Variants in CDH12 observed in about 807,000 individuals in gnomAD.
CDH12 encodes cadherin-12.
In CDH12, 41 loss-of-function variants were observed where a neutral mutation model predicts 74.1. The observed-to-expected ratio is 0.55, with a 90% CI of 0.43 to 0.72. The LOEUF (loss-of-function observed/expected upper bound fraction) is 0.72, where lower values mean the gene tolerates loss of function less well. Ranked by LOEUF, CDH12 falls within the 30% of genes least tolerant of loss-of-function variation. The pLI is 0.00. For synonymous variants in CDH12, 399 were observed against 355.0 expected, an observed-to-expected ratio of 1.12 and a Z score of -1.39; for missense variants, 945 against 977.2, an observed-to-expected ratio of 0.97 and a Z score of 0.44.
chr5:22,567,842 G>A (rs1441959518), intron 1 of CDH12, among the ~76,000 whole-genome samples: 1 of 152,092 alleles, frequency 6.6e-6, no homozygotes. Flanking sequence ...GCACACTGAC[G>A]TACAGATAAA....
intron 1 of CDH12, among the ~76,000 whole-genome samples, chr5:22,638,009 G>A (rs528928915): frequency 6.6e-6 from 1 of 152,212 alleles, no homozygotes; most frequent in South Asian, 2.1e-4. Flanking sequence ...ACTCATACAA[G>A]CACACACACA....
At chr5:21,892,322 G>A (rs1752935120) in intron 6 of CDH12, among the ~76,000 whole-genome samples, 1 of 152,096 alleles carries the variant, frequency 6.6e-6, no homozygotes. Flanking sequence ...ATGGTGATGA[G>A]CTGTCTTGTT....
At chr5:22,372,972 C>T (rs1741362286) in intron 3 of CDH12, among the ~76,000 whole-genome samples, 1 of 152,168 alleles carries the variant, frequency 6.6e-6, no homozygotes, top group South Asian at 2.1e-4. Flanking sequence ...CTACTGCAAG[C>T]AGCCCTGCCA....
At chr5:22,791,854 C>T (rs1441152010) in intron 1 of CDH12, among the ~76,000 whole-genome samples, 1 of 152,084 alleles carries the variant, frequency 6.6e-6, no homozygotes, top group East Asian at 1.9e-4. Flanking sequence ...CTCTGTGATC[C>T]AATCACCTCC....
At chr5:22,406,743 C>A (rs191739929) in intron 2 of CDH12, among the ~76,000 whole-genome samples, 4 of 152,084 alleles carry the variant, frequency 2.6e-5, no homozygotes, top group African/African-American at 9.6e-5. Flanking sequence ...ATTTCATTAT[C>A]TGTTTATTGA....
intron 2 of CDH12, among the ~76,000 whole-genome samples, chr5:22,471,836 A>G (rs1263710325): frequency 6.6e-6 from 1 of 151,966 alleles, no homozygotes; most frequent in African/African-American, 2.4e-5. Context: ...AGATTATTTT[A>G]CTCCAGATTG....
intron 5 of CDH12, among the ~76,000 whole-genome samples, chr5:22,033,106 C>A (rs1206644248): frequency 6.7e-6 from 1 of 149,898 alleles, no homozygotes; most frequent in African/African-American, 2.4e-5. Flanking sequence ...GACAAAAGAG[C>A]TATAATTTTA....
At chr5:22,641,032 G>A (rs979017203) in intron 1 of CDH12, among the ~76,000 whole-genome samples, 1 of 152,078 alleles carries the variant, frequency 6.6e-6, no homozygotes, top group African/African-American at 2.4e-5. Context: ...ATTAGTTAGG[G>A]TTCTCTAGAG....
intron 9 of CDH12, among the ~76,000 whole-genome samples, chr5:21,810,113 C>G (rs4481317): frequency 0.97 from 147,444 of 152,208 alleles, 71,427 homozygotes; most frequent in East Asian, 1. Context: ...ATGAACATGC[C>G]TGTAAATGTG....
chr5:22,499,437 C>A (rs1373162350), intron 2 of CDH12, among the ~76,000 whole-genome samples: 1 of 152,092 alleles, frequency 6.6e-6, no homozygotes, highest in Non-Finnish European at 1.5e-5. Context: ...TCTGTATCTA[C>A]CTTCTCTAGA....
intron 3 of CDH12, among the ~76,000 whole-genome samples, chr5:22,341,083 T>A (rs868692272): frequency 2.0e-5 from 3 of 152,222 alleles, no homozygotes; most frequent in African/African-American, 7.2e-5. Context: ...GTCTATATAC[T>A]TTTTAGAGAC....
rs187816030 is a variant in CDH12 at position 22,524,520 on chromosome 5, T to C, written c.-522-19156A>G. On this transcript the variant is annotated intron_variant, in intron 1 of 14. Coordinates refer to ENST00000382254, the MANE Select transcript of CDH12 (RefSeq NM_004061.5). ...CTGTACACTATACTACTTGTAAACGTGTGACATGCATATATTATATAAAAC... is the reference window on the plus strand; with the variant it reads ...CTGTACACTATACTACTTGTAAACGCGTGACATGCATATATTATATAAAAC... Among the ~76,000 whole-genome samples, 8 of 152,322 alleles carry C rather than the reference T, an allele frequency of 5.3e-5. No homozygotes were observed. In the East Asian group the frequency reaches 1.5e-3, roughly 29 times the overall value.
At chr5:22,432,669 T>C (rs541253083) in intron 2 of CDH12, among the ~76,000 whole-genome samples, 3 of 152,250 alleles carry the variant, frequency 2.0e-5, no homozygotes, top group African/African-American at 7.2e-5. Context: ...TAGAAGACTC[T>C]TCTGAAGTTT....
chr5:22,396,869 C>T (rs989450907), intron 3 of CDH12, among the ~76,000 whole-genome samples: 1 of 152,088 alleles, frequency 6.6e-6, no homozygotes, highest in Non-Finnish European at 1.5e-5. Context: ...TACTGTCTGT[C>T]GTACCTCCTA....
chr5:22,214,243 A>G (rs2278002), intron 3 of CDH12, among the ~76,000 whole-genome samples: 57,007 of 151,794 alleles, frequency 0.38, 12,352 homozygotes, highest in Admixed American at 0.49. Flanking sequence ...GCCCCAGGAG[A>G]TGGGGCTGTA....
At chr5:22,150,604 A>G (rs1290235543) in intron 4 of CDH12, among the ~76,000 whole-genome samples, 1 of 152,064 alleles carries the variant, frequency 6.6e-6, no homozygotes, top group Non-Finnish European at 1.5e-5. Flanking sequence ...ATCAGATAAA[A>G]CTGTAGCTTT....
chr5:21,890,892 C>G lies in CDH12; in HGVS notation c.527-36102G>C, dbSNP rs562879713. On this transcript the variant is annotated intron_variant, in intron 6 of 14. Transcript: ENST00000382254. The stretch of plus-strand genomic sequence containing the variant: ...AAATAGAAAATTTAAAGAAACTTGT[C>G]AAAACAAGGAAGCAAGCTGAAAGGG... 4.2e-4 allele frequency among the ~76,000 whole-genome samples: 64 copies of G among 152,076 alleles called. 1 individual carries two copies. In the South Asian group the frequency reaches 0.013, roughly 31 times the overall value.
chr5:22,243,289 C>T (rs1237475369), intron 3 of CDH12, among the ~76,000 whole-genome samples: 1 of 152,072 alleles, frequency 6.6e-6, no homozygotes, highest in Non-Finnish European at 1.5e-5. Context: ...AAAAGTTACT[C>T]AACAAGTAAC....
At chr5:22,167,708 T>G (rs1748765470) in intron 4 of CDH12, among the ~76,000 whole-genome samples, 1 of 152,120 alleles carries the variant, frequency 6.6e-6, no homozygotes, top group Non-Finnish European at 1.5e-5. Context: ...TCATGATGAG[T>G]ATTAAATACT....
Sources: gnomAD v4.1 joint callset for allele counts (sites outside exome capture counted in the v4.1 genomes callset) on GRCh38, gnomAD v4.1.1 for gene constraint, MANE v1.5 for transcripts, NCBI Gene and HGNC (gene_info 2026-07-23, HGNC 2026-07-21) for gene names.